The following RABGAP1 variants were observed in gnomAD, a reference collection of about 807,000 sequenced individuals.
The protein encoded by RABGAP1 is rab GTPase-activating protein 1.
In RABGAP1, 23 loss-of-function variants were observed where a neutral mutation model predicts 137.6. The ratio of observed to expected loss-of-function variants is 0.17; its 90% confidence interval spans 0.12 to 0.24. The LOEUF is 0.24. Among genes scored for constraint, RABGAP1 ranks in the 10% least tolerant of loss-of-function variants. RABGAP1 has a pLI of 1.00. For missense variants in RABGAP1, 906 were observed against 1,275.8 expected, an observed-to-expected ratio of 0.71 and a Z score of 4.42; for synonymous variants, 451 against 450.7, an observed-to-expected ratio of 1.00 and a Z score of -0.01.
intron 1 of RABGAP1, among the ~76,000 whole-genome samples, chr9:122,954,036 G>A (rs941303209): frequency 1.3e-5 from 2 of 152,170 alleles, no homozygotes; most frequent in African/African-American, 2.4e-5. Context: ...AGTGCAGGGC[G>A]TTGGAGGGAG....
chr9:123,034,733 C>A, intron 13 of RABGAP1: 1 of 1,613,676 alleles, frequency 6.2e-7, no homozygotes, highest in Non-Finnish European at 8.5e-7. Flanking sequence ...TTTCACTGTG[C>A]ACCTTTGTTG....
intron 11 of RABGAP1, among the ~76,000 whole-genome samples, chr9:123,011,124 G>A (rs917607861): frequency 3.3e-5 from 5 of 151,782 alleles, no homozygotes; most frequent in African/African-American, 9.7e-5. Flanking sequence ...AATGAGAGTC[G>A]TTTTCTAATT....
rs977415089 is a variant in RABGAP1 at position 123,103,444 on chromosome 9, A to AAT, written c.*232_*233insTA. On this transcript the variant is annotated 3_prime_UTR_variant, in exon 26 of 26. Transcript: ENST00000373647. ...TCAGCCGACGCTCTGGACACTCTAG[A>AAT]AATCACTCCTCAGTGTGACCTCCCA... 1.9e-5 allele frequency: 9 copies of AAT among 467,776 alleles called. No homozygotes were observed. The highest frequency in any genetic ancestry group is 1.8e-4 in the African/African-American group (9 of 49,384). The allele number at this position is 467,776 out of a possible 1,614,324, so 29.0% of individuals were successfully genotyped here.
intron 2 of RABGAP1, among the ~76,000 whole-genome samples, chr9:122,982,931 G>A (rs1017694004): frequency 2.6e-5 from 4 of 152,056 alleles, no homozygotes; most frequent in Non-Finnish European, 4.4e-5. Flanking sequence ...GTGCAGTGGC[G>A]TGATCTCGGG....
intron 13 of RABGAP1, among the ~76,000 whole-genome samples, chr9:123,023,301 C>T (rs35850736): frequency 0.012 from 1,797 of 152,310 alleles, 17 homozygotes; most frequent in Non-Finnish European, 0.019. Context: ...CTGCATCAGC[C>T]TCCCAAGTAG....
chr9:123,002,883 G>T (rs918663777), intron 10 of RABGAP1, among the ~76,000 whole-genome samples: 4 of 152,094 alleles, frequency 2.6e-5, no homozygotes, highest in East Asian at 1.9e-4. Flanking sequence ...CTTAAGCCGA[G>T]TTTTCACTGT....
At chr9:123,063,628 C>CT (rs1214814179) in intron 13 of RABGAP1, among the ~76,000 whole-genome samples, 4 of 152,196 alleles carry the variant, frequency 2.6e-5, no homozygotes, top group Non-Finnish European at 5.9e-5. Context: ...GCCCTGAGGG[C>CT]TAGTAATGTT....
chr9:123,005,516 G>A (rs1013891947), intron 10 of RABGAP1, among the ~76,000 whole-genome samples: 5 of 152,058 alleles, frequency 3.3e-5, no homozygotes, highest in Non-Finnish European at 5.9e-5. Context: ...TACTCCATAT[G>A]TCTTATCCTA....
chr9:122,945,367 C>T (rs1429873339), intron 1 of RABGAP1: 1 of 152,024 alleles, frequency 6.6e-6, no homozygotes, highest in Non-Finnish European at 1.5e-5. Context: ...GTCTTGAACA[C>T]ATTAGTTTAT....
intron 1 of RABGAP1, among the ~76,000 whole-genome samples, chr9:122,951,134 G>A (rs1016322309): frequency 1.3e-5 from 2 of 152,164 alleles, no homozygotes; most frequent in African/African-American, 4.8e-5. Flanking sequence ...TAGAGGTGGA[G>A]GCATTAATAC....
At chr9:123,094,073 C>T (rs2035110148) in intron 21 of RABGAP1, among the ~76,000 whole-genome samples, 1 of 152,188 alleles carries the variant, frequency 6.6e-6, no homozygotes, top group Admixed American at 6.5e-5. Context: ...TCTAGAGATG[C>T]AGTTGGTCTT....
intron 13 of RABGAP1, chr9:123,035,077 C>A: frequency 6.2e-7 from 1 of 1,614,122 alleles, no homozygotes. Flanking sequence ...CTGGGGCAAA[C>A]CTGGATATCA....
rs1211336160 is a variant in RABGAP1, at chr9:122,986,197, A to T, written c.386-18A>T. 6.2e-6 allele frequency: 10 copies of T among 1,604,688 alleles called. No homozygotes were observed. The highest frequency in any genetic ancestry group is 1.1e-5 in the South Asian group (1 of 90,476). Reference sequence around the variant, plus strand: ...TCAAAGTGAAAGTAATCACTTCCTTATTCATTGTTTCTTTCAGATTCTGAA... The same window carrying T: ...TCAAAGTGAAAGTAATCACTTCCTTTTTCATTGTTTCTTTCAGATTCTGAA... On this transcript the variant is annotated intron_variant, in intron 3 of 25. Transcript: ENST00000373647.
intron 6 of RABGAP1, among the ~76,000 whole-genome samples, chr9:122,993,055 G>A (rs1836822898): frequency 1.3e-5 from 2 of 151,742 alleles, no homozygotes; most frequent in Non-Finnish European, 2.9e-5. Flanking sequence ...CCAACATACT[G>A]TGTATAATAT....
intron 12 of RABGAP1, 93 bp downstream of exon 12, chr9:123,015,729 T>TAGG: frequency 1.3e-6 from 1 of 776,188 alleles, no homozygotes; most frequent in Admixed American, 2.6e-5. Context: ...GAACCAGTAG[T>TAGG]AGAAACCTAA....
rs2034317062 is a variant in RABGAP1 at position 123,070,431 on chromosome 9, A to G, written c.1983+7A>G. ...TGCTGTGCTCCTTCTCCATGTGAGT[A>G]ATTAGGTCTCTGTTATGACTTAACA... On this transcript the variant is annotated splice_region_variant and intron_variant, in intron 15 of 25. Transcript: ENST00000373647. The surrounding 1 kb of genome is among the most constrained non-coding windows in gnomAD (Gnocchi z 4.4). The G allele has an allele frequency of 1.2e-6, 2 of 1,613,896 alleles. No homozygotes were observed. The highest frequency in any genetic ancestry group is 3.3e-5 in the Admixed American group (2 of 59,982).
chr9:122,941,242 G>C (rs532007024), intron 1 of RABGAP1, 149 bp downstream of exon 1: 1 of 152,486 alleles, frequency 6.6e-6, no homozygotes, highest in East Asian at 1.9e-4. Context: ...TCGACGGGCC[G>C]AGTTCTGAGG....
chr9:122,979,154 T>C (rs188185525), intron 2 of RABGAP1, among the ~76,000 whole-genome samples: 24 of 152,272 alleles, frequency 1.6e-4, no homozygotes, highest in Admixed American at 5.9e-4. Context: ...TGCCTCAGCC[T>C]CCTAAATTGC....
At chr9:122,950,353 TTTTTTTTCTTTTTCTTTTTCTTTC>T (rs1834161293) in intron 1 of RABGAP1, among the ~76,000 whole-genome samples, 1 of 148,526 alleles carries the variant, frequency 6.7e-6, no homozygotes, top group Non-Finnish European at 1.5e-5. Flanking sequence ...GTTTGGTGTC[TTTTTTTTCTTTTTCTTTTTCTTTC>T]TTTTTTTTTT....
Sources: allele counts gnomAD v4.1 joint callset (sites outside exome capture counted in the v4.1 genomes callset), GRCh38; gene constraint gnomAD v4.1.1; non-coding constraint Gnocchi (gnomAD v3.1); transcripts MANE v1.5; gene names NCBI Gene and HGNC (gene_info 2026-07-23, HGNC 2026-07-21).